Variants in MALRD1 observed in about 807,000 individuals in gnomAD.
MALRD1 encodes MAM and LDL receptor class A domain containing 1.
MALRD1 carries 247 observed loss-of-function variants against 242.1 expected under a neutral mutation model. That is an observed-to-expected ratio of 1.02 (90% CI 0.92 to 1.13). The LOEUF (loss-of-function observed/expected upper bound fraction) is 1.13. MALRD1 is among the 50% of genes most tolerant of loss of function. The probability of loss-of-function intolerance (pLI) is 0.00; values close to 1 mark genes in which losing one functional copy is unlikely to be tolerated. For synonymous variants in MALRD1, 995 were observed against 866.6 expected, an observed-to-expected ratio of 1.15 and a Z score of -2.60; for missense variants, 2,989 against 2,533.1, an observed-to-expected ratio of 1.18 and a Z score of -3.86.
intron 32 of MALRD1, among the ~76,000 whole-genome samples, chr10:19,531,589 T>G (rs1834419896): frequency 6.6e-6 from 1 of 152,172 alleles, no homozygotes; most frequent in Non-Finnish European, 1.5e-5. Flanking sequence ...TTGTATGGTA[T>G]TTAAAAGATT....
chr10:19,343,840 T>A (rs1252479224), intron 24 of MALRD1, among the ~76,000 whole-genome samples: 3 of 152,122 alleles, frequency 2.0e-5, no homozygotes, highest in Admixed American at 6.6e-5. Flanking sequence ...GGTGTTACTA[T>A]TTTATTTTTA....
At chr10:19,440,678 C>A (rs958413487) in intron 28 of MALRD1, among the ~76,000 whole-genome samples, 3 of 152,076 alleles carry the variant, frequency 2.0e-5, no homozygotes, top group Admixed American at 2.0e-4. Context: ...TGGACTCATC[C>A]TTTTTTATCA....
chr10:19,498,807 A>G (rs1419957836), intron 31 of MALRD1, among the ~76,000 whole-genome samples, 161 bp downstream of exon 31: 1 of 152,170 alleles, frequency 6.6e-6, no homozygotes, highest in Non-Finnish European at 1.5e-5. Flanking sequence ...CAAACTCTGA[A>G]TTACTAAATA....
At chr10:19,385,124 A>G (rs1040316272) in intron 26 of MALRD1, among the ~76,000 whole-genome samples, 2 of 151,842 alleles carry the variant, frequency 1.3e-5, no homozygotes, top group African/African-American at 4.8e-5. Flanking sequence ...TGTGGTAATG[A>G]TGTATGATCC....
chr10:19,531,081 TTTGA>T (rs1234443626), intron 31 of MALRD1, 109 bp from the exon 32 acceptor site: 7 of 830,704 alleles, frequency 8.4e-6, no homozygotes, highest in Non-Finnish European at 1.2e-5. Context: ...ATGAGTTCTG[TTTGA>T]TTGTGTGTAT....
At chr10:19,312,378 G>GTATA (rs112120220) in intron 21 of MALRD1, among the ~76,000 whole-genome samples, 16,683 of 137,126 alleles carry the variant, frequency 0.12, 1,076 homozygotes, top group Middle Eastern at 0.15. Flanking sequence ...AGAGGAATGT[G>GTATA]TATATATATA....
intron 31 of MALRD1, among the ~76,000 whole-genome samples, chr10:19,507,120 A>G (rs1404582699): frequency 1.3e-5 from 2 of 152,082 alleles, no homozygotes; most frequent in Non-Finnish European, 2.9e-5. Flanking sequence ...AGGTCTCCAG[A>G]GAACTCACTC....
rs574272371 is a variant in MALRD1, at chr10:19,541,111, T to C, written c.5478+9760T>C. 5.3e-5 allele frequency among the ~76,000 whole-genome samples: 8 copies of C among 152,322 alleles called. No homozygotes were observed. The South Asian group carries it at 1.7e-3, about 32-fold the overall frequency. ...CAATCTTATTATGAAAGTTATTGAGTGGCACTATCAGTATTCTGTCTCTAA... is the reference window on the plus strand; with the variant it reads ...CAATCTTATTATGAAAGTTATTGAGCGGCACTATCAGTATTCTGTCTCTAA... On this transcript the variant is annotated intron_variant, in intron 32 of 39. Coordinates refer to ENST00000454679, the MANE Select transcript of MALRD1 (RefSeq NM_001142308.3).
chr10:19,566,712 T>G (rs1385220904), intron 32 of MALRD1, among the ~76,000 whole-genome samples: 3 of 151,612 alleles, frequency 2.0e-5, no homozygotes, highest in Non-Finnish European at 4.4e-5. Flanking sequence ...TATGGTATGA[T>G]GTTTAAATAT....
chr10:19,176,906 G>A (rs1327528232), intron 14 of MALRD1, among the ~76,000 whole-genome samples: 2 of 151,964 alleles, frequency 1.3e-5, no homozygotes, highest in Non-Finnish European at 2.9e-5. Flanking sequence ...GTGTGCATGC[G>A]TGTCTGTGCA....
intron 34 of MALRD1, among the ~76,000 whole-genome samples, chr10:19,601,901 A>T (rs1282081781): frequency 6.6e-6 from 1 of 152,062 alleles, no homozygotes; most frequent in Non-Finnish European, 1.5e-5. Context: ...ATCTTATCTG[A>T]TCTCTCAGCT....
intron 2 of MALRD1, among the ~76,000 whole-genome samples, chr10:19,069,764 T>G (rs1453988903): frequency 6.6e-6 from 1 of 151,244 alleles, no homozygotes; most frequent in Admixed American, 6.6e-5. Flanking sequence ...TTTTTTTTTC[T>G]GTGTTTAATA....
chr10:19,476,512 A>G (rs1261075346), intron 29 of MALRD1, among the ~76,000 whole-genome samples: 2 of 151,850 alleles, frequency 1.3e-5, no homozygotes, highest in African/African-American at 4.8e-5. Flanking sequence ...TGTGGTCCAT[A>G]ATCTACTTCA....
At chr10:19,684,683 T>C (rs1477239837) in intron 36 of MALRD1, among the ~76,000 whole-genome samples, 1 of 152,156 alleles carries the variant, frequency 6.6e-6, no homozygotes, top group Non-Finnish European at 1.5e-5. Context: ...ACCTGGGAGA[T>C]GGAGGTTGCA....
chr10:19,491,045 ATCT>A lies in MALRD1; in HGVS notation c.5030-467_5030-465del, dbSNP rs1402375277. On this transcript the variant is annotated intron_variant, in intron 29 of 39. Transcript: ENST00000454679. ...AGTTGCTTTAACCAATAAAGTTAAC[ATCT>A]TCTTTATGTAAAATTTTCAGTCAAG... is the stretch of plus-strand genomic sequence containing the variant. The A allele has an allele frequency of 2.0e-5, 4 of 202,876 alleles. No homozygotes were observed. The East Asian group carries it at 5.0e-4, about 25-fold the overall frequency. The allele number at this position is 202,876 out of a possible 1,614,324, so 12.6% of individuals were successfully genotyped here. A position where few individuals can be genotyped will look rare whatever the true frequency, so the allele number is the denominator to read the frequency against.
At chr10:19,369,993 A>G (rs1365451820) in intron 26 of MALRD1, among the ~76,000 whole-genome samples, 1 of 152,106 alleles carries the variant, frequency 6.6e-6, no homozygotes, top group African/African-American at 2.4e-5. Context: ...CACCCTGGTC[A>G]CAGAGATATT....
intron 26 of MALRD1, among the ~76,000 whole-genome samples, chr10:19,379,378 T>C (rs1026325916): frequency 6.6e-6 from 1 of 152,146 alleles, no homozygotes; most frequent in African/African-American, 2.4e-5. Flanking sequence ...CTTCTTATGA[T>C]AGAAACTTAG....
chr10:19,610,131 A>G (rs148974193), intron 35 of MALRD1, among the ~76,000 whole-genome samples: 3 of 152,034 alleles, frequency 2.0e-5, no homozygotes, highest in South Asian at 2.1e-4. Context: ...ATGAGGTACA[A>G]TTTGACATTT....
At chr10:19,450,632 G>A (rs1468673524) in intron 29 of MALRD1, 142 bp downstream of exon 29, 2 of 794,814 alleles carry the variant, frequency 2.5e-6, no homozygotes, top group Non-Finnish European at 3.8e-6. Flanking sequence ...TTTTATAATT[G>A]TGAACTTAAA....
Sources: allele counts gnomAD v4.1 joint callset (sites outside exome capture counted in the v4.1 genomes callset), GRCh38; gene constraint gnomAD v4.1.1; transcripts MANE v1.5; gene names NCBI Gene and HGNC (gene_info 2026-07-23, HGNC 2026-07-21).